Variants in NTRK3 observed in about 807,000 individuals in gnomAD.
NTRK3 encodes neurotrophic receptor tyrosine kinase 3.
In NTRK3, 24 loss-of-function variants were observed where a neutral mutation model predicts 91.7. The observed-to-expected ratio is 0.26, with a 90% CI of 0.19 to 0.37. The LOEUF is 0.37. NTRK3 is among the 10% of genes least tolerant of loss of function. The pLI is 1.00. For synonymous variants in NTRK3, 483 were observed against 404.0 expected, an observed-to-expected ratio of 1.20 and a Z score of -2.34; for missense variants, 880 against 1,068.9, an observed-to-expected ratio of 0.82 and a Z score of 2.46.
chr15:88,119,317 C>T (rs1237460887), intron 13 of NTRK3, among the ~76,000 whole-genome samples: 4 of 152,232 alleles, frequency 2.6e-5, no homozygotes, highest in Non-Finnish European at 5.9e-5. Flanking sequence ...CAGAGCCTCC[C>T]ATTGAAGTTC....
chr15:88,113,060 C>T (rs867560671), intron 13 of NTRK3, among the ~76,000 whole-genome samples: 1 of 152,092 alleles, frequency 6.6e-6, no homozygotes, highest in Non-Finnish European at 1.5e-5. Flanking sequence ...GTGGCATTAC[C>T]GCTTTCTTCC....
At chr15:87,918,379 A>G (rs986033147) in intron 17 of NTRK3, among the ~76,000 whole-genome samples, 4 of 152,158 alleles carry the variant, frequency 2.6e-5, no homozygotes, top group African/African-American at 9.7e-5. Context: ...CTTTACCAAC[A>G]TTTCTTTCCA....
intron 13 of NTRK3, among the ~76,000 whole-genome samples, chr15:88,038,893 A>T (rs1480543606): frequency 2.6e-5 from 4 of 152,130 alleles, no homozygotes; most frequent in Admixed American, 2.0e-4. Context: ...CTCAGGGGAA[A>T]ACTCAAAGAC....
intron 14 of NTRK3, among the ~76,000 whole-genome samples, chr15:87,958,335 G>C (rs1352222893): frequency 4.6e-5 from 7 of 152,126 alleles, no homozygotes; most frequent in Non-Finnish European, 8.8e-5. Context: ...CCTTAGGACG[G>C]AATGTCTATT....
chr15:88,247,962 A>G (rs1598168879), intron 3 of NTRK3, among the ~76,000 whole-genome samples: 1 of 151,850 alleles, frequency 6.6e-6, no homozygotes, highest in South Asian at 2.1e-4. Flanking sequence ...CGCTTTAGAC[A>G]CCCCCCTTTT....
intron 13 of NTRK3, among the ~76,000 whole-genome samples, chr15:88,057,722 A>G (rs2045850512): frequency 6.6e-6 from 1 of 152,176 alleles, no homozygotes; most frequent in Non-Finnish European, 1.5e-5. Context: ...AGCTGCCGGG[A>G]AAACCCTGAC....
intron 5 of NTRK3, among the ~76,000 whole-genome samples, chr15:88,165,575 A>C (rs929860899): frequency 5.9e-5 from 9 of 152,240 alleles, no homozygotes; most frequent in African/African-American, 2.2e-4. Flanking sequence ...TTTCCTGAGA[A>C]ATCAAAATAA....
chr15:87,878,001 T>C (rs1196696467), intron 18 of NTRK3, among the ~76,000 whole-genome samples: 1 of 152,124 alleles, frequency 6.6e-6, no homozygotes, highest in East Asian at 1.9e-4. Flanking sequence ...GACCCAAGTG[T>C]ATAATTTGCA....
intron 14 of NTRK3, among the ~76,000 whole-genome samples, chr15:87,974,325 T>C (rs1177616030): frequency 2.0e-5 from 3 of 152,178 alleles, no homozygotes; most frequent in South Asian, 2.1e-4. Flanking sequence ...TTGGTCTTTT[T>C]AGGGTGAGCA....
intron 17 of NTRK3, among the ~76,000 whole-genome samples, chr15:87,895,314 A>G (rs2066057488): frequency 6.6e-6 from 1 of 152,220 alleles, no homozygotes; most frequent in African/African-American, 2.4e-5. Flanking sequence ...TCAGAAATAT[A>G]CAGATTGAGT....
At chr15:88,069,698 AGG>A (rs2046946162) in intron 13 of NTRK3, among the ~76,000 whole-genome samples, 1 of 152,218 alleles carries the variant, frequency 6.6e-6, no homozygotes, top group Admixed American at 6.5e-5. Flanking sequence ...CAGAACACGT[AGG>A]ATTTTGCTTC....
At chr15:88,251,534 A>G (rs2053374735) in intron 3 of NTRK3, among the ~76,000 whole-genome samples, 1 of 152,212 alleles carries the variant, frequency 6.6e-6, no homozygotes. Flanking sequence ...GACCATGCCT[A>G]TGACTTCTGT....
chr15:88,153,707 G>C (rs1194539433), intron 5 of NTRK3, among the ~76,000 whole-genome samples: 1 of 152,018 alleles, frequency 6.6e-6, no homozygotes, highest in Non-Finnish European at 1.5e-5. Flanking sequence ...CAATGGGGCA[G>C]CAGATTCAAG....
intron 3 of NTRK3, among the ~76,000 whole-genome samples, chr15:88,224,417 G>A (rs1292557186): frequency 6.6e-6 from 1 of 152,142 alleles, no homozygotes; most frequent in Admixed American, 6.5e-5. Context: ...TGCATTCCGG[G>A]GCCTCAACAA....
chr15:88,156,308 A>C (rs1379146785), intron 5 of NTRK3, among the ~76,000 whole-genome samples: 1 of 152,212 alleles, frequency 6.6e-6, no homozygotes, highest in South Asian at 2.1e-4. Flanking sequence ...ACCGTGGCAC[A>C]TGGGAGACCA....
At chr15:88,108,028 C>T (rs192984761) in intron 13 of NTRK3, among the ~76,000 whole-genome samples, 4 of 152,170 alleles carry the variant, frequency 2.6e-5, no homozygotes, top group Admixed American at 2.0e-4. Flanking sequence ...CATCAGGAGA[C>T]GCTGACAGTA....
In NTRK3 at chr15:88,156,006, T is replaced by C. The variant is rs114454478; in HGVS notation, c.396-8603A>G. The stretch of plus-strand genomic sequence containing the variant: ...TATTAGAAGACACGGCTCTGGACCA[T>C]CTGAAAAATCCAGACATTGCCTGAA... On this transcript the variant is annotated intron_variant, in intron 5 of 18. Coordinates refer to ENST00000394480, the Ensembl canonical transcript of NTRK3. 3.3e-3 allele frequency among the ~76,000 whole-genome samples: 501 copies of C among 152,294 alleles called. 2 individuals are homozygous for C. The highest frequency in any genetic ancestry group is 0.011 in the African/African-American group (472 of 41,554).
chr15:88,246,787 G>A (rs2052870547), intron 3 of NTRK3, among the ~76,000 whole-genome samples: 1 of 152,162 alleles, frequency 6.6e-6, no homozygotes, highest in Admixed American at 6.5e-5. Context: ...TCACATCCCT[G>A]GACTGCAGAG....
intron 14 of NTRK3, among the ~76,000 whole-genome samples, chr15:87,996,885 A>C (rs1293885975): frequency 4.6e-5 from 7 of 152,174 alleles, no homozygotes; most frequent in Admixed American, 4.6e-4. Context: ...TAGTGTGTAG[A>C]TGAATTCTTT....
Sources: gnomAD v4.1 joint callset for allele counts (sites outside exome capture counted in the v4.1 genomes callset) on GRCh38, gnomAD v4.1.1 for gene constraint, MANE v1.5 for transcripts, NCBI Gene and HGNC (gene_info 2026-07-23, HGNC 2026-07-21) for gene names.